MUC7: variants seen among roughly 807,000 people sequenced by gnomAD.
The protein encoded by MUC7 is mucin 7, secreted, also known as mucin-7.
Under a neutral mutation model 2.5 loss-of-function variants are expected in MUC7, and 2 were observed. The ratio of observed to expected loss-of-function variants is 0.81; its 90% CI spans 0.33 to 2.55. The LOEUF is 2.55. Among genes scored for constraint, MUC7 ranks in the 30% most tolerant of loss-of-function variants. MUC7 has a pLI of 0.11. For missense variants in MUC7, 408 were observed against 455.6 expected (o/e 0.90, Z 0.95); for synonymous variants, 133 against 173.4 (o/e 0.77, Z 1.83).
At chr4:70,473,076 A>C (rs1234273947) in intron 1 of MUC7, among the ~76,000 whole-genome samples, 1 of 152,180 alleles carries the variant, frequency 6.6e-6, no homozygotes, top group Middle Eastern at 3.2e-3. Flanking sequence ...TTAAGTCTGC[A>C]CTATGTACTA....
At chr4:70,438,432 T>TTTGTA (rs143947709) in intron 1 of MUC7, among the ~76,000 whole-genome samples, 52,721 of 150,282 alleles carry the variant, frequency 0.35, 9,934 homozygotes, top group Admixed American at 0.46. Flanking sequence ...GAAATGAAGT[T>TTTGTA]TTGTTTTGTT....
At chr4:70,437,795 C>T (rs986377504) in intron 1 of MUC7, among the ~76,000 whole-genome samples, 11 of 152,098 alleles carry the variant, frequency 7.2e-5, no homozygotes, top group African/African-American at 2.7e-4. Context: ...AAATCACCAT[C>T]TTCTGCATCA....
intron 1 of MUC7, among the ~76,000 whole-genome samples, chr4:70,436,382 G>A (rs913607688): frequency 2.0e-5 from 3 of 152,064 alleles, no homozygotes; most frequent in African/African-American, 7.2e-5. Context: ...CATATTTCCT[G>A]GAGGCTTTGT....
At chr4:70,461,927 C>A (rs866961586) in intron 1 of MUC7, among the ~76,000 whole-genome samples, 24 of 152,204 alleles carry the variant, frequency 1.6e-4, no homozygotes, top group African/African-American at 5.5e-4. Flanking sequence ...GGTTGACAAG[C>A]TGGGCCGACC....
At chr4:70,450,568 CA>C (rs1279469212) in intron 1 of MUC7, among the ~76,000 whole-genome samples, 4 of 152,158 alleles carry the variant, frequency 2.6e-5, no homozygotes, top group African/African-American at 9.7e-5. Context: ...CACCTGAAGC[CA>C]GCAAGTCTCA....
chr4:70,462,093 G>A (rs1224233417), intron 1 of MUC7, among the ~76,000 whole-genome samples: 3 of 151,820 alleles, frequency 2.0e-5, no homozygotes, highest in Non-Finnish European at 2.9e-5. Context: ...GACACCTGTA[G>A]TCCCAGCTAC....
chr4:70,439,963 A>G (rs193228896), intron 1 of MUC7, among the ~76,000 whole-genome samples: 1 of 152,246 alleles, frequency 6.6e-6, no homozygotes, highest in Non-Finnish European at 1.5e-5. Flanking sequence ...TTGATAAATC[A>G]GAAAATTATT....
Position 70,482,051 on chromosome 4 carries a change from C to A in MUC7, c.*173C>A. 1 of 807,984 alleles carries A rather than the reference C, an allele frequency of 1.2e-6. No individual in the cohort carries two copies. Among genetic ancestry groups the A allele is most frequent in the Non-Finnish European group, 1.9e-6 (1 of 531,522 alleles). 50.1% of individuals were successfully genotyped at this position (807,984 alleles called of 1,614,324 possible). On this transcript the variant is annotated 3_prime_UTR_variant, in exon 3 of 3. Coordinates refer to ENST00000304887, the MANE Select transcript of MUC7 (RefSeq NM_152291.3). ...ACCACCACAAGACCTATTAACAAGACAAAATGCCTCTATCCCACAAGCCAG... is the reference window on the plus strand; with the variant it reads ...ACCACCACAAGACCTATTAACAAGAAAAAATGCCTCTATCCCACAAGCCAG...
At chr4:70,441,631 G>A (rs1324206712) in intron 1 of MUC7, among the ~76,000 whole-genome samples, 1 of 152,174 alleles carries the variant, frequency 6.6e-6, no homozygotes, top group Non-Finnish European at 1.5e-5. Context: ...GAAAAGTTAA[G>A]ATGCTTCTGA....
chr4:70,452,058 T>C (rs1364356830), intron 1 of MUC7, among the ~76,000 whole-genome samples: 2 of 152,216 alleles, frequency 1.3e-5, no homozygotes, highest in Non-Finnish European at 2.9e-5. Context: ...AAATCTATTT[T>C]TTCTGATACA....
intron 1 of MUC7, among the ~76,000 whole-genome samples, chr4:70,458,572 A>C (rs1210636705): frequency 1.3e-5 from 2 of 152,128 alleles, no homozygotes. Context: ...TAAGTTATAA[A>C]ATTTCCAAGC....
chr4:70,455,145 A>G (rs918970566), intron 1 of MUC7, among the ~76,000 whole-genome samples: 1 of 151,854 alleles, frequency 6.6e-6, no homozygotes, highest in African/African-American at 2.4e-5. Flanking sequence ...TATTTATTCT[A>G]TGAAAACACT....
chr4:70,481,227 T>G lies in MUC7; in HGVS notation c.483T>G (p.Ala161=). The change falls in exon 3 of 3, where the codon GCT becomes GCG. Residue 161 remains alanine (A), a synonymous_variant. Transcript: ENST00000304887. ...VATLAPVNSP[A]PQDTTAAPPT... is the part of the protein sequence containing the mutation. ...CATTAGCACCAGTGAATTCCCCAGC[T>G]CCACAAGACACCACAGCTGCCCCAC... 1 of 1,614,088 alleles carries G rather than the reference T, an allele frequency of 6.2e-7. No homozygotes were observed. The highest frequency in any genetic ancestry group is 8.5e-7 in the Non-Finnish European group (1 of 1,180,016).
At chr4:70,450,306 T>C (rs1020900971) in intron 1 of MUC7, among the ~76,000 whole-genome samples, 1 of 152,152 alleles carries the variant, frequency 6.6e-6, no homozygotes, top group South Asian at 2.1e-4. Context: ...TTGTCATGTA[T>C]GCTGTCTGGC....
At chr4:70,464,745 CA>C (rs1372981100) in intron 1 of MUC7, among the ~76,000 whole-genome samples, 3 of 152,176 alleles carry the variant, frequency 2.0e-5, no homozygotes, top group African/African-American at 7.2e-5. Context: ...CAAGCAGCCC[CA>C]GTCAGGGGCT....
At chr4:70,460,037 C>G (rs535774265) in intron 1 of MUC7, among the ~76,000 whole-genome samples, 6 of 151,938 alleles carry the variant, frequency 3.9e-5, no homozygotes, top group Admixed American at 1.3e-4. Context: ...CTAGAGAATA[C>G]AAAGACTTCC....
At chr4:70,461,106 G>A (rs1188849986) in intron 1 of MUC7, among the ~76,000 whole-genome samples, 3 of 152,158 alleles carry the variant, frequency 2.0e-5, no homozygotes, top group African/African-American at 7.2e-5. Flanking sequence ...TCTTGGCCAA[G>A]CTGGCCACTA....
chr4:70,450,166 G>A (rs531144654), intron 1 of MUC7, among the ~76,000 whole-genome samples: 1 of 152,332 alleles, frequency 6.6e-6, no homozygotes, highest in South Asian at 2.1e-4. Context: ...CAAGCCACAA[G>A]ATGCAGTCCT....
chr4:70,439,775 C>A (rs17320887), intron 1 of MUC7, among the ~76,000 whole-genome samples: 1 of 151,882 alleles, frequency 6.6e-6, no homozygotes, highest in Non-Finnish European at 1.5e-5. Flanking sequence ...GAATGAAATG[C>A]ATTTTGTTAA....
Sources: allele counts gnomAD v4.1 joint callset (sites outside exome capture counted in the v4.1 genomes callset), GRCh38; gene constraint gnomAD v4.1.1; transcripts MANE v1.5; gene names NCBI Gene and HGNC (gene_info 2026-07-23, HGNC 2026-07-21).